CNTN5: variants seen among roughly 807,000 people sequenced by gnomAD.
CNTN5 encodes contactin-5.
A neutral mutation model predicts 129.1 loss-of-function variants in CNTN5; 77 were observed. The ratio of observed to expected loss-of-function variants is 0.60; its 90% CI spans 0.50 to 0.72. The LOEUF (loss-of-function observed/expected upper bound fraction) is 0.72, where lower values mean the gene tolerates loss of function less well. CNTN5 is among the 30% of genes least tolerant of loss of function. The pLI, the probability that CNTN5 is intolerant of heterozygous loss-of-function variation, is 0.00. For synonymous variants in CNTN5, 509 were observed against 465.6 expected, an observed-to-expected ratio of 1.09 and a Z score of -1.20; for missense variants, 1,478 against 1,328.8, an observed-to-expected ratio of 1.11 and a Z score of -1.75.
At chr11:100,160,718 T>C (rs889664525) in intron 13 of CNTN5, among the ~76,000 whole-genome samples, 20 of 152,070 alleles carry the variant, frequency 1.3e-4, no homozygotes, top group East Asian at 9.7e-4. Context: ...TTAACACTTA[T>C]GGGATAATAA....
intron 1 of CNTN5, among the ~76,000 whole-genome samples, chr11:99,037,997 TATTA>T (rs955013620): frequency 1.2e-4 from 19 of 152,312 alleles, no homozygotes; most frequent in African/African-American, 4.6e-4. Flanking sequence ...ATTAATTTTT[TATTA>T]ATTTAGAGCA....
intron 1 of CNTN5, among the ~76,000 whole-genome samples, chr11:99,315,923 C>T (rs1219539225): frequency 2.3e-5 from 3 of 130,852 alleles, no homozygotes; most frequent in Non-Finnish European, 5.4e-5. Context: ...ATTATAGAGT[C>T]GATAGAATGA....
chr11:99,533,004 C>T lies in CNTN5; in HGVS notation c.-70-23141C>T, dbSNP rs190492442. Among the ~76,000 whole-genome samples, 382 of 152,314 alleles carry T rather than the reference C, an allele frequency of 2.5e-3. 2 individuals carry two copies. Among genetic ancestry groups the T allele is most frequent in the African/African-American group, 8.6e-3 (357 of 41,566 alleles). ...TTGGGAGGCTGTGGCAGGTGGATCACTTGAGGCCAGGAGTTCGAGACCAGC... is the reference window on the plus strand; with the variant it reads ...TTGGGAGGCTGTGGCAGGTGGATCATTTGAGGCCAGGAGTTCGAGACCAGC... On this transcript the variant is annotated intron_variant, in intron 2 of 24. Coordinates refer to ENST00000524871, the MANE Select transcript of CNTN5 (RefSeq NM_014361.4).
chr11:100,295,611 G>A (rs1341544388), intron 18 of CNTN5, among the ~76,000 whole-genome samples: 1 of 151,116 alleles, frequency 6.6e-6, no homozygotes, highest in Non-Finnish European at 1.5e-5. Flanking sequence ...TTTTAAATAG[G>A]CTTCTAGATG....
rs550226653 is a variant in CNTN5, at chr11:99,518,168, C to T, written c.-70-37977C>T. Reference sequence around the variant, plus strand: ...GTTTCAAATTTCCAGTATATTAAATCTGATTTGCTCAAGTTCAGTCGGATG... The same window carrying T: ...GTTTCAAATTTCCAGTATATTAAATTTGATTTGCTCAAGTTCAGTCGGATG... On this transcript the variant is annotated intron_variant, in intron 2 of 24. Coordinates refer to ENST00000524871, the MANE Select transcript of CNTN5 (RefSeq NM_014361.4). 2.0e-5 allele frequency among the ~76,000 whole-genome samples: 3 copies of T among 152,062 alleles called. No individual in the cohort carries two copies. In the South Asian group the frequency reaches 6.2e-4, roughly 32 times the overall value.
Position 99,761,479 on chromosome 11 carries a change from T to C in CNTN5, c.56-58065T>C, listed in dbSNP as rs898152619. 6.1e-4 allele frequency among the ~76,000 whole-genome samples: 92 copies of C among 151,928 alleles called. 1 individual carries two copies. Among genetic ancestry groups the C allele is most frequent in the African/African-American group, 2.2e-3 (90 of 41,506 alleles). ...CCCTTCGTGTGTCCATGTGGTCTCA[T>C]TGTTCAATTCCCACCTATGAGTGAG... On this transcript the variant is annotated intron_variant, in intron 3 of 24. Coordinates refer to ENST00000524871, the MANE Select transcript of CNTN5 (RefSeq NM_014361.4).
At chr11:99,431,837 A>G (rs1943381211) in intron 2 of CNTN5, among the ~76,000 whole-genome samples, 2 of 152,124 alleles carry the variant, frequency 1.3e-5, no homozygotes, top group Admixed American at 1.3e-4. Context: ...TAAAGCAGAA[A>G]CGGGCTGGAG....
chr11:99,472,593 T>G (rs558888299), intron 2 of CNTN5, among the ~76,000 whole-genome samples: 1 of 152,318 alleles, frequency 6.6e-6, no homozygotes, highest in African/African-American at 2.4e-5. Context: ...AAGTTTACAT[T>G]GAAAATTTGC....
chr11:99,668,204 G>T (rs1238353170), intron 3 of CNTN5, among the ~76,000 whole-genome samples: 1 of 152,132 alleles, frequency 6.6e-6, no homozygotes, highest in Non-Finnish European at 1.5e-5. Flanking sequence ...TAAAGGGACT[G>T]CTAGTAGGAC....
intron 13 of CNTN5, among the ~76,000 whole-genome samples, chr11:100,187,577 G>T (rs966788672): frequency 8.6e-5 from 13 of 151,978 alleles, no homozygotes; most frequent in African/African-American, 3.1e-4. Context: ...AAACAGCATG[G>T]TACTAGTACA....
chr11:99,148,816 T>A (rs1329234289), intron 1 of CNTN5, among the ~76,000 whole-genome samples: 1 of 152,058 alleles, frequency 6.6e-6, no homozygotes, highest in Non-Finnish European at 1.5e-5. Flanking sequence ...TTCTGGAAAA[T>A]GAATGGAGCA....
chr11:99,932,295 C>A (rs143958527), intron 7 of CNTN5, among the ~76,000 whole-genome samples: 5,800 of 152,188 alleles, frequency 0.038, 154 homozygotes, highest in Middle Eastern at 0.085. Flanking sequence ...CGGGTTCCAG[C>A]AATTCTCCTG....
intron 1 of CNTN5, among the ~76,000 whole-genome samples, chr11:99,110,386 A>T (rs773006157): frequency 1.2e-4 from 18 of 152,108 alleles, no homozygotes; most frequent in Non-Finnish European, 2.2e-4. Flanking sequence ...GCTTTTTCAA[A>T]GCATATTATA....
rs184663395 is a variant in CNTN5 at position 99,635,918 on chromosome 11, A to G, written c.55+79649A>G. Among the ~76,000 whole-genome samples the G allele has an allele frequency of 1.3e-3, 202 of 152,284 alleles. 1 individual carries two copies. Among genetic ancestry groups the G allele is most frequent in the African/African-American group, 4.6e-3 (193 of 41,576 alleles). The stretch of plus-strand genomic sequence containing the variant: ...CTAAACCAGTACTCTGAAGCAAGAA[A>G]AAGCTTTTGTCTGCTTTCTTTGACT... On this transcript the variant is annotated intron_variant, in intron 3 of 24. Transcript: ENST00000524871.
chr11:100,170,964 T>G (rs1947808849), intron 13 of CNTN5, among the ~76,000 whole-genome samples: 1 of 151,988 alleles, frequency 6.6e-6, no homozygotes, highest in African/African-American at 2.4e-5. Context: ...ACTCTTCTTT[T>G]TATACATGAG....
At chr11:99,624,219 C>A (rs958130975) in intron 3 of CNTN5, among the ~76,000 whole-genome samples, 1 of 151,684 alleles carries the variant, frequency 6.6e-6, no homozygotes, top group African/African-American at 2.4e-5. Flanking sequence ...TCTGTGTATG[C>A]ATTGCCTAGA....
intron 1 of CNTN5, among the ~76,000 whole-genome samples, chr11:99,075,380 G>T (rs1339045585): frequency 6.6e-6 from 1 of 152,072 alleles, no homozygotes; most frequent in African/African-American, 2.4e-5. Context: ...CTGAACAATT[G>T]ATTAAAATAC....
chr11:100,121,959 C>A (rs1946038649), intron 13 of CNTN5, among the ~76,000 whole-genome samples: 1 of 151,804 alleles, frequency 6.6e-6, no homozygotes, highest in South Asian at 2.1e-4. Flanking sequence ...GATAGGCAGA[C>A]ATAGAGACAG....
At chr11:100,210,950 T>A (rs73000871) in intron 15 of CNTN5, among the ~76,000 whole-genome samples, 3,354 of 152,294 alleles carry the variant, frequency 0.022, 49 homozygotes, top group Non-Finnish European at 0.033. Flanking sequence ...GTAATATAAC[T>A]ATTTCTAGGT....
Sources: allele counts gnomAD v4.1 joint callset (sites outside exome capture counted in the v4.1 genomes callset), GRCh38; gene constraint gnomAD v4.1.1; transcripts MANE v1.5; gene names NCBI Gene and HGNC (gene_info 2026-07-23, HGNC 2026-07-21).